NDUFA11: variants seen among roughly 807,000 people sequenced by gnomAD.
The protein encoded by NDUFA11 is NADH:ubiquinone oxidoreductase subunit A11.
NDUFA11 carries 14 observed loss-of-function variants against 11.3 expected under a neutral mutation model. That is an observed-to-expected ratio of 1.24 (90% confidence interval 0.82 to 1.94). The LOEUF (loss-of-function observed/expected upper bound fraction) is 1.94. NDUFA11 is among the 30% of genes most tolerant of loss of function. The pLI is 0.00. For missense variants in NDUFA11, 204 were observed against 200.3 expected, an observed-to-expected ratio of 1.02 and a Z score of -0.11; for synonymous variants, 87 against 85.6, an observed-to-expected ratio of 1.02 and a Z score of -0.09.
downstream of NDUFA11, chr19:5,893,012 T>C: frequency 6.5e-7 from 1 of 1,532,692 alleles, no homozygotes; most frequent in Non-Finnish European, 8.7e-7. This position sits in a 1 kb window ranked among gnomAD's most constrained non-coding sequence, Gnocchi z 4.1. Context: ...GCGGGGTGGG[T>C]GTGTCCGCCC....
intron 1 of NDUFA11, among the ~76,000 whole-genome samples, chr19:5,900,334 G>A (rs375675970): frequency 6.6e-6 from 1 of 152,186 alleles, no homozygotes; most frequent in East Asian, 1.9e-4. Flanking sequence ...CTAACAAGGT[G>A]CCACATTCAC....
downstream of NDUFA11, chr19:5,892,768 G>GCGATGC: frequency 9.3e-7 from 1 of 1,075,812 alleles, no homozygotes; most frequent in Non-Finnish European, 1.2e-6. Context: ...TCGAGTGGAT[G>GCGATGC]CGATGCCCGT....
At chr19:5,901,960 C>T (rs544194531) in intron 1 of NDUFA11, among the ~76,000 whole-genome samples, 10 of 150,642 alleles carry the variant, frequency 6.6e-5, no homozygotes, top group African/African-American at 9.8e-5. Context: ...CGTGAGCCAC[C>T]GCGCCCGGCT....
chr19:5,897,117 T>G, intron 1 of NDUFA11, 120 bp from the exon 2 acceptor site: 1 of 814,062 alleles, frequency 1.2e-6, no homozygotes, highest in East Asian at 2.5e-5. Flanking sequence ...TCTTTGCCCA[T>G]AGTGTCCCCG....
intron 1 of NDUFA11, 93 bp from the exon 2 acceptor site, chr19:5,897,090 C>T: frequency 1.1e-6 from 1 of 942,418 alleles, no homozygotes; most frequent in Non-Finnish European, 1.7e-6. Context: ...CTCCCTCAGT[C>T]CTCACGATGC....
Position 5,896,534 on chromosome 19 carries a change from C to T in NDUFA11, c.232G>A (p.Ala78Thr), listed in dbSNP as rs560864775. Residue 78 changes from alanine to threonine, a missense_variant, in exon 3 of 4, where the codon GCC (alanine) becomes ACC (threonine). By Grantham distance (58) the Ala-to-Thr change is moderately conservative. Transcript: ENST00000308961. The surrounding 1 kb of genome is among the most constrained non-coding windows in gnomAD (Gnocchi z 5.8). ...AVFGLTTCISAHVREKPDDPL... is the reference protein window; with the variant it reads ...AVFGLTTCISTHVREKPDDPL... ...TCGTCGGGCTTCTCGCGGACATGGGCGCTGATGCAGGTGGTGAGGCCAAAC... is the reference window on the plus strand; with the variant it reads ...TCGTCGGGCTTCTCGCGGACATGGGTGCTGATGCAGGTGGTGAGGCCAAAC... The T allele has an allele frequency of 6.4e-6, 10 of 1,569,276 alleles. No individual in the cohort carries two copies. The African/African-American group carries it at 6.8e-5, about 11-fold the overall frequency.
intron 1 of NDUFA11, among the ~76,000 whole-genome samples, chr19:5,900,875 C>A (rs1203793232): frequency 6.9e-6 from 1 of 145,910 alleles, no homozygotes; most frequent in Non-Finnish European, 1.5e-5. Context: ...CGCACCACTG[C>A]ACTCCAGCCT....
chr19:5,892,723 C>A, downstream of NDUFA11: 1 of 730,938 alleles, frequency 1.4e-6, no homozygotes, highest in East Asian at 3.0e-5. Flanking sequence ...GGCGCTGCCC[C>A]CTGCCGGCCG....
Position 5,894,841 on chromosome 19 carries a change from C to T in NDUFA11, c.327G>A (p.Gly109=), listed in dbSNP as rs746676644. 4 of 1,608,894 alleles carry T rather than the reference C, an allele frequency of 2.5e-6. No homozygotes were observed. The African/African-American group carries it at 4.0e-5, about 16-fold the overall frequency. ...LTLGARTHNY[G]IGAAACVYFG... The stretch of plus-strand genomic sequence containing the variant: ...AGTACACGCAGGCGGCGGCGCCAAT[C>T]CCGTAGTTGTGCGCTGTGGGAGTGG... Residue 109 remains glycine (G), a synonymous_variant, in exon 4 of 4, where the codon GGG becomes GGA. Coordinates refer to ENST00000308961, the MANE Select transcript of NDUFA11 (RefSeq NM_175614.5).
chr19:5,893,851 C>T (rs563652866), downstream of NDUFA11, among the ~76,000 whole-genome samples: 15 of 152,318 alleles, frequency 9.8e-5, no homozygotes, highest in South Asian at 4.1e-4. The surrounding 1 kb of genome is among the most constrained non-coding windows in gnomAD (Gnocchi z 4.1). Flanking sequence ...CCAGCCCTGC[C>T]GGTTCCTGCT....
chr19:5,897,013 G>T lies in NDUFA11; in HGVS notation c.98-16C>A. The T allele has an allele frequency of 6.2e-7, 1 of 1,609,378 alleles. No homozygotes were observed. Among genetic ancestry groups the T allele is most frequent in the Non-Finnish European group, 8.5e-7 (1 of 1,175,846 alleles). On this transcript the variant is annotated splice_polypyrimidine_tract_variant and intron_variant, in intron 1 of 3. Transcript: ENST00000308961. The stretch of plus-strand genomic sequence containing the variant: ...GCGGTCAGGCCTGCGAGACAGAGGA[G>T]GGAGGCTGTTCAGACCCCACTGCTG...
At chr19:5,899,595 C>T (rs1324469692) in intron 1 of NDUFA11, among the ~76,000 whole-genome samples, 5 of 150,560 alleles carry the variant, frequency 3.3e-5, no homozygotes, top group African/African-American at 9.8e-5. Context: ...GGATTACAGG[C>T]GCCTGCCACC....
chr19:5,897,479 C>A (rs527758803), intron 1 of NDUFA11, among the ~76,000 whole-genome samples: 1 of 152,266 alleles, frequency 6.6e-6, no homozygotes, highest in South Asian at 2.1e-4. Context: ...TCCTGTGGGG[C>A]CCGGGGCTCC....
At chr19:5,902,260 C>T (rs56089699) in intron 1 of NDUFA11, among the ~76,000 whole-genome samples, 2,249 of 149,228 alleles carry the variant, frequency 0.015, 27 homozygotes, top group Non-Finnish European at 0.023. Context: ...CCACCATGCC[C>T]GGCCTATTAT....
downstream of NDUFA11, chr19:5,893,144 C>A (rs73920081): frequency 4.1e-4 from 632 of 1,535,974 alleles, 2 homozygotes; most frequent in African/African-American, 6.6e-3. This position sits in a 1 kb window ranked among gnomAD's most constrained non-coding sequence, Gnocchi z 4.1. Flanking sequence ...GAGAGGACTT[C>A]GAGGCAGGCG....
Position 5,896,997 on chromosome 19 carries a change from C to A in NDUFA11, c.98G>T (p.Gly33Val), listed in dbSNP as rs1599693381. 6.2e-7 allele frequency: 1 copy of A among 1,613,750 alleles called. No individual in the cohort carries two copies. The highest frequency in any genetic ancestry group is 1.1e-5 in the South Asian group (1 of 91,078). ...YSTTSIASVA[G>V]LTAAAYRVTL... is the part of the protein sequence containing the mutation. ...GACTCTGTAGGCAGCGGCGGTCAGG[C>A]CTGCGAGACAGAGGAGGGAGGCTGT... Residue 33 changes from glycine to valine, a missense_variant and splice_region_variant, in exon 2 of 4, where the codon GGC becomes GTC. Coordinates refer to ENST00000308961, the MANE Select transcript of NDUFA11 (RefSeq NM_175614.5). This position sits in a 1 kb window ranked among gnomAD's most constrained non-coding sequence, Gnocchi z 5.8.
intron 3 of NDUFA11, 100 bp from the exon 4 acceptor site, chr19:5,894,954 C>T (rs577909240): frequency 2.3e-6 from 3 of 1,311,918 alleles, no homozygotes; most frequent in South Asian, 2.8e-5. Context: ...CAGACTGAGA[C>T]CCCTGACAGG....
intron 1 of NDUFA11, among the ~76,000 whole-genome samples, chr19:5,899,090 C>T (rs1018015446): frequency 2.6e-5 from 4 of 151,864 alleles, no homozygotes; most frequent in Non-Finnish European, 4.4e-5. Context: ...CACATCCCCC[C>T]CTTCCAAATT....
chr19:5,897,662 CA>C (rs2057619257), intron 1 of NDUFA11, among the ~76,000 whole-genome samples: 1 of 152,256 alleles, frequency 6.6e-6, no homozygotes, highest in Non-Finnish European at 1.5e-5. Flanking sequence ...TCAGCTTTTC[CA>C]TCTCTGCCAT....
Sources: allele counts gnomAD v4.1 joint callset (sites outside exome capture counted in the v4.1 genomes callset), GRCh38; gene constraint gnomAD v4.1.1; non-coding constraint Gnocchi (gnomAD v3.1); transcripts MANE v1.5; gene names NCBI Gene and HGNC (gene_info 2026-07-23, HGNC 2026-07-21).